ABL2: variants seen among roughly 807,000 people sequenced by gnomAD.
The protein encoded by ABL2 is ABL proto-oncogene 2, non-receptor tyrosine kinase, also known as tyrosine-protein kinase ABL2.
Under a neutral mutation model 107.7 loss-of-function variants are expected in ABL2, and 49 were observed. That is an observed-to-expected ratio of 0.45 (90% CI 0.36 to 0.58). The LOEUF (loss-of-function observed/expected upper bound fraction) is 0.58, where lower values mean the gene tolerates loss of function less well. ABL2 is among the 20% of genes least tolerant of loss of function. The pLI, the probability that ABL2 is intolerant of heterozygous loss-of-function variation, is 0.00. For missense variants in ABL2, 1,245 were observed against 1,457.0 expected (o/e 0.85, Z 2.37); for synonymous variants, 549 against 548.6 (o/e 1.00, Z -0.01).
At chr1:179,119,953 T>C (rs537579589) in intron 6 of ABL2, among the ~76,000 whole-genome samples, 4 of 152,146 alleles carry the variant, frequency 2.6e-5, no homozygotes, top group East Asian at 1.9e-4. Context: ...GCTTCCACCA[T>C]GGTGACTAAA....
intron 1 of ABL2, among the ~76,000 whole-genome samples, chr1:179,212,199 T>C (rs557914303): frequency 4.6e-5 from 7 of 152,320 alleles, no homozygotes; most frequent in South Asian, 4.2e-4. Flanking sequence ...ACTGCCTCCA[T>C]GATTCAATCA....
chr1:179,155,298 G>A (rs1414835756), intron 1 of ABL2, among the ~76,000 whole-genome samples: 11 of 152,186 alleles, frequency 7.2e-5, no homozygotes, highest in Non-Finnish European at 1.6e-4. Flanking sequence ...AGACTAATCG[G>A]AACGATATGC....
intron 1 of ABL2, among the ~76,000 whole-genome samples, chr1:179,207,074 C>T (rs1662012990): frequency 6.6e-6 from 1 of 152,160 alleles, no homozygotes; most frequent in African/African-American, 2.4e-5. Context: ...GATGCCTGTC[C>T]ATGGAGTGTC....
At chr1:179,138,845 G>A (rs1657289061) in intron 1 of ABL2, among the ~76,000 whole-genome samples, 1 of 152,252 alleles carries the variant, frequency 6.6e-6, no homozygotes, top group African/African-American at 2.4e-5. Flanking sequence ...TGGAGGGAGA[G>A]GCGCCAGCAG....
intron 1 of ABL2, among the ~76,000 whole-genome samples, chr1:179,140,397 C>T (rs971599341): frequency 1.6e-4 from 25 of 152,250 alleles, no homozygotes; most frequent in Non-Finnish European, 2.5e-4. Flanking sequence ...TGATAACACT[C>T]TCACATCCCC....
chr1:179,114,790 C>A, intron 9 of ABL2, 88 bp downstream of exon 9: 1 of 1,354,776 alleles, frequency 7.4e-7, no homozygotes, highest in Non-Finnish European at 9.9e-7. Flanking sequence ...AATCTAACAA[C>A]ACTGAGAGGA....
chr1:179,221,004 ATTTACAGATGAGGC>A (rs1319403085), intron 1 of ABL2: 5 of 211,578 alleles, frequency 2.4e-5, no homozygotes, highest in Middle Eastern at 4.9e-4. Flanking sequence ...GTATGAGCCA[ATTTACAGATGAGGC>A]TTTCACTTCA....
chr1:179,152,117 G>C (rs1422637851), intron 1 of ABL2, among the ~76,000 whole-genome samples: 1 of 152,156 alleles, frequency 6.6e-6, no homozygotes, highest in Non-Finnish European at 1.5e-5. Flanking sequence ...AACCTGGGTA[G>C]GCTAATAATT....
intron 1 of ABL2, among the ~76,000 whole-genome samples, chr1:179,150,740 C>T (rs1658308978): frequency 6.6e-6 from 1 of 152,206 alleles, no homozygotes; most frequent in African/African-American, 2.4e-5. Context: ...AGAAGTTCTA[C>T]TGTAGGTAAA....
At chr1:179,143,095 C>G (rs1657738046) in intron 1 of ABL2, 1 of 1,594,538 alleles carries the variant, frequency 6.3e-7, no homozygotes. Context: ...AAGAGGAAGT[C>G]TTAGAATTCC....
intron 3 of ABL2, among the ~76,000 whole-genome samples, chr1:179,128,465 A>AT (rs1193080945): frequency 6.6e-6 from 1 of 152,166 alleles, no homozygotes; most frequent in Non-Finnish European, 1.5e-5. Flanking sequence ...CTATATATAC[A>AT]TTTTTTAATA....
intron 1 of ABL2, among the ~76,000 whole-genome samples, chr1:179,205,134 C>T (rs1051208989): frequency 6.6e-6 from 1 of 150,792 alleles, no homozygotes; most frequent in Non-Finnish European, 1.5e-5. Context: ...TCAAGAGATT[C>T]TCCTGCCTCA....
rs887148527 is a variant in ABL2, at chr1:179,198,169, T to C, written c.157+31072A>G. On this transcript the variant is annotated intron_variant, in intron 1 of 11. Coordinates refer to ENST00000502732, the MANE Select transcript of ABL2 (RefSeq NM_007314.4). ...GCCTGGATGACAGAGTGAAACCCTG[T>C]GCCAAAAAAAAAAAAAAAAAAGTTT... is the stretch of plus-strand genomic sequence containing the variant. Among the ~76,000 whole-genome samples, 3 of 128,606 alleles carry C rather than the reference T, an allele frequency of 2.3e-5. No homozygotes were observed. In the Admixed American group the frequency reaches 2.6e-4, roughly 11 times the overall value. The allele number at this position is 128,606 out of a possible 152,430, so 84.4% of individuals were successfully genotyped here. A position where few individuals can be genotyped will look rare whatever the true frequency, so the allele number is the denominator to read the frequency against.
At chr1:179,222,908 C>T (rs954947884) in intron 1 of ABL2, among the ~76,000 whole-genome samples, 2 of 151,384 alleles carry the variant, frequency 1.3e-5, no homozygotes, top group South Asian at 2.1e-4. Context: ...GCCAGGAGTT[C>T]GAGACAAGTG....
At chr1:179,131,104 C>G (rs1656275657) in intron 3 of ABL2, 1 of 373,944 alleles carries the variant, frequency 2.7e-6, no homozygotes, top group Admixed American at 3.7e-5. Context: ...CCACGCCTGA[C>G]TAATTTTTTT....
intron 1 of ABL2, among the ~76,000 whole-genome samples, chr1:179,212,700 T>G (rs1662340963): frequency 6.7e-6 from 1 of 149,854 alleles, no homozygotes; most frequent in African/African-American, 2.5e-5. Context: ...GCCATTGCAC[T>G]CCAGCCTGAG....
intron 1 of ABL2, among the ~76,000 whole-genome samples, chr1:179,205,718 C>T (rs185582200): frequency 1.5e-3 from 231 of 152,078 alleles, no homozygotes; most frequent in South Asian, 4.6e-3. Flanking sequence ...TTAGGGAGGG[C>T]GGGTAAGGGG....
intron 1 of ABL2, among the ~76,000 whole-genome samples, chr1:179,215,783 T>G (rs1459366721): frequency 6.6e-6 from 1 of 152,080 alleles, no homozygotes. Context: ...AACCTTTCTT[T>G]CCTATAAGGA....
intron 3 of ABL2, among the ~76,000 whole-genome samples, chr1:179,127,593 G>A (rs1239156132): frequency 6.6e-6 from 1 of 152,214 alleles, no homozygotes; most frequent in East Asian, 1.9e-4. Flanking sequence ...AAGTGAAAGA[G>A]ATATCACTAG....
Sources: gnomAD v4.1 joint callset for allele counts (sites outside exome capture counted in the v4.1 genomes callset) on GRCh38, gnomAD v4.1.1 for gene constraint, MANE v1.5 for transcripts, NCBI Gene and HGNC (gene_info 2026-07-23, HGNC 2026-07-21) for gene names.